ZNF599: variants seen among roughly 807,000 people sequenced by gnomAD.
ZNF599 encodes the protein zinc finger protein 599.
In ZNF599, 10 loss-of-function variants were observed where a neutral mutation model predicts 11.7. That is an observed-to-expected ratio of 0.86 (90% CI 0.53 to 1.45). The LOEUF (loss-of-function observed/expected upper bound fraction) is 1.45. Ranked by LOEUF, ZNF599 falls within the 40% of genes most tolerant of loss-of-function variation. The probability of loss-of-function intolerance (pLI) is 0.00; values close to 1 mark genes in which losing one functional copy is unlikely to be tolerated. For missense variants in ZNF599, 688 were observed against 713.6 expected (o/e 0.96, Z 0.41); for synonymous variants, 232 against 253.2 (o/e 0.92, Z 0.79).
Position 34,761,080 on chromosome 19 carries a change from G to A in ZNF599, c.242-521C>T, listed in dbSNP as rs879892066. Among the ~76,000 whole-genome samples, 7 of 152,308 alleles carry A rather than the reference G, an allele frequency of 4.6e-5. No individual in the cohort carries two copies. In the East Asian group the frequency reaches 1.4e-3, roughly 29 times the overall value. ...GATGAAAACAGAATGTACAAGGGCT[G>A]AAAGTCTTGAGAGAATGCTGATTGC... On this transcript the variant is annotated intron_variant, in intron 3 of 3. Coordinates refer to ENST00000329285, the MANE Select transcript of ZNF599 (RefSeq NM_001007248.3).
chr19:34,785,785 TG>T, the ZNF599 span, among the ~76,000 whole-genome samples: 6 of 152,102 alleles, frequency 3.9e-5, no homozygotes, highest in African/African-American at 1.4e-4. Context: ...GTCTGTGCTG[TG>T]GGGGGTGTGC....
At chr19:34,800,584 TTG>T in the ZNF599 span, among the ~76,000 whole-genome samples, 3 of 67,492 alleles carry the variant, frequency 4.4e-5, no homozygotes, top group South Asian at 5.9e-4. Flanking sequence ...AGCATTTCCT[TTG>T]TTTTTTTTTT....
chr19:34,798,852 G>A, the ZNF599 span, among the ~76,000 whole-genome samples: 1 of 152,074 alleles, frequency 6.6e-6, no homozygotes. Context: ...TTTGACAAAC[G>A]CAAACAGTAT....
chr19:34,769,591 AGCTATTAGGT>A, intron 1 of ZNF599, 36 bp from the exon 2 acceptor site: 1 of 1,600,436 alleles, frequency 6.2e-7, no homozygotes, highest in South Asian at 1.1e-5. Context: ...GTGGCTGTGG[AGCTATTAGGT>A]GAAATTACAG....
chr19:34,767,008 GAGA>G (rs2069148448), intron 3 of ZNF599: 1 of 274,092 alleles, frequency 3.6e-6, no homozygotes. Context: ...TTATTTTTCA[GAGA>G]AGGTCATTAA....
At chr19:34,771,299 G>A (rs1568495235) in intron 1 of ZNF599, among the ~76,000 whole-genome samples, 1 of 152,054 alleles carries the variant, frequency 6.6e-6, no homozygotes, top group African/African-American at 2.4e-5. Flanking sequence ...TCGACATACT[G>A]GATTGTTTCT....
the ZNF599 span, chr19:34,779,586 C>T: frequency 2.4e-6 from 1 of 414,042 alleles, no homozygotes; most frequent in South Asian, 1.7e-5. Context: ...ACCACTGCTC[C>T]AGATGGAAAG....
the ZNF599 span, among the ~76,000 whole-genome samples, chr19:34,801,296 G>T: frequency 6.6e-6 from 1 of 152,250 alleles, no homozygotes; most frequent in African/African-American, 2.4e-5. Flanking sequence ...TACATGGACA[G>T]AGAATTTTCC....
chr19:34,788,729 G>A, the ZNF599 span: 1 of 152,142 alleles, frequency 6.6e-6, no homozygotes. Context: ...ATATTCCACT[G>A]TGAAGTTAAA....
upstream of ZNF599, among the ~76,000 whole-genome samples, chr19:34,775,471 A>C (rs904080957): frequency 2.0e-5 from 3 of 152,238 alleles, no homozygotes; most frequent in African/African-American, 7.2e-5. Context: ...AAGGTAGATT[A>C]GTGATTGCTT....
intron 3 of ZNF599, chr19:34,765,708 C>T (rs2069138150): frequency 1.4e-6 from 1 of 702,092 alleles, no homozygotes; most frequent in Non-Finnish European, 2.6e-6. Context: ...AGTGTGTAGG[C>T]TTTATTCATA....
chr19:34,765,289 G>T, intron 3 of ZNF599: 1 of 384,084 alleles, frequency 2.6e-6, no homozygotes, highest in Non-Finnish European at 4.8e-6. Context: ...ATATGGCAAA[G>T]ATGATGGAAT....
chr19:34,777,001 T>G (rs1367049017), upstream of ZNF599, among the ~76,000 whole-genome samples: 1 of 151,878 alleles, frequency 6.6e-6, no homozygotes, highest in Non-Finnish European at 1.5e-5. Flanking sequence ...CTGGTGGGTG[T>G]GTCTTATGGA....
At chr19:34,804,586 C>T in the ZNF599 span, among the ~76,000 whole-genome samples, 1 of 152,242 alleles carries the variant, frequency 6.6e-6, no homozygotes, top group Non-Finnish European at 1.5e-5. Context: ...TTCTGAATGA[C>T]TCCCTAGAGT....
At chr19:34,791,175 G>T in the ZNF599 span, among the ~76,000 whole-genome samples, 1 of 152,174 alleles carries the variant, frequency 6.6e-6, no homozygotes, top group African/African-American at 2.4e-5. Context: ...TCCTCTTTGG[G>T]TACACAGCTA....
the ZNF599 span, among the ~76,000 whole-genome samples, chr19:34,807,272 T>C: frequency 6.6e-6 from 1 of 152,014 alleles, no homozygotes; most frequent in Non-Finnish European, 1.5e-5. Context: ...GCTTAAGATT[T>C]GAAAGTAGGA....
At chr19:34,765,945 T>C (rs924393478) in intron 3 of ZNF599, among the ~76,000 whole-genome samples, 2 of 151,654 alleles carry the variant, frequency 1.3e-5, no homozygotes, top group Non-Finnish European at 2.9e-5. Flanking sequence ...GAGACATGAG[T>C]GATGTGAAAT....
the ZNF599 span, among the ~76,000 whole-genome samples, chr19:34,807,022 C>T: frequency 1.3e-4 from 20 of 152,304 alleles, no homozygotes; most frequent in Admixed American, 1.2e-3. Context: ...GGTACAACAC[C>T]TTGTCACTGC....
At chr19:34,767,108 C>A in intron 3 of ZNF599, 1 of 519,028 alleles carries the variant, frequency 1.9e-6, no homozygotes, top group Admixed American at 3.2e-5. Context: ...ATCATTAAAG[C>A]CTAGAATCTG....
Sources: allele counts gnomAD v4.1 joint callset (sites outside exome capture counted in the v4.1 genomes callset), GRCh38; gene constraint gnomAD v4.1.1; transcripts MANE v1.5; gene names NCBI Gene and HGNC (gene_info 2026-07-23, HGNC 2026-07-21).